The following TMEM230 variants were observed in gnomAD, a reference collection of about 807,000 sequenced individuals.
TMEM230 encodes transmembrane protein 230, also known as UPF0414 transmembrane protein C20orf30.
In TMEM230, 10 loss-of-function variants were observed where a neutral mutation model predicts 15.8. The observed-to-expected ratio is 0.63, with a 90% CI of 0.39 to 1.07. The LOEUF is 1.07. TMEM230 is among the 50% of genes least tolerant of loss of function. The pLI is 0.01. For missense variants in TMEM230, 165 were observed against 193.3 expected (o/e 0.85, Z 0.87); for synonymous variants, 67 against 76.9 (o/e 0.87, Z 0.68).
chr20:5,108,417 CT>C (rs1424519425), intron 3 of TMEM230, among the ~76,000 whole-genome samples: 1 of 130,156 alleles, frequency 7.7e-6, no homozygotes, highest in African/African-American at 3.4e-5. Flanking sequence ...AAAACTCCGT[CT>C]CCAAAAAAAA....
In TMEM230 at chr20:5,071,598, G is replaced by A. The variant is rs752324344; in HGVS notation, c.223-2249C>T. ...AGATCGCGCCATTGCACTCCAGCCT[G>A]GGTAACAAGAGCGAAACTCCGTCTC... On this transcript the variant is annotated intron_variant, in intron 3 of 3. Transcript: ENST00000612323. Among the ~76,000 whole-genome samples the A allele has an allele frequency of 9.9e-4, 146 of 146,848 alleles. 1 individual carries two copies. The highest frequency in any genetic ancestry group is 1.9e-3 in the Admixed American group (27 of 14,276).
chr20:5,112,459 G>C (rs1177924085), intron 1 of TMEM230, among the ~76,000 whole-genome samples: 1 of 152,176 alleles, frequency 6.6e-6, no homozygotes, highest in African/African-American at 2.4e-5. Context: ...TACGTCCCCT[G>C]ACATTAACTG....
At chr20:5,096,203 C>T (rs1231667261), downstream of TMEM230, among the ~76,000 whole-genome samples, 1 of 152,242 alleles carries the variant, frequency 6.6e-6, no homozygotes, top group East Asian at 1.9e-4. Flanking sequence ...TTCCCTCCAC[C>T]TCTGCCTCAT....
chr20:5,112,638 C>T (rs1205889530), intron 1 of TMEM230: 1 of 1,285,630 alleles, frequency 7.8e-7, no homozygotes, highest in African/African-American at 1.5e-5. Flanking sequence ...CCGCTACCCC[C>T]AAACTCCCTC....
intron 3 of TMEM230, among the ~76,000 whole-genome samples, chr20:5,071,533 G>T (rs2088824692): frequency 6.6e-6 from 1 of 150,686 alleles, no homozygotes; most frequent in African/African-American, 2.4e-5. Flanking sequence ...CAAGGCAGGA[G>T]AATCGCTTGA....
chr20:5,068,956 C>G (rs186121060), exon 4 of TMEM230: 5 of 483,752 alleles, frequency 1.0e-5, no homozygotes, highest in Admixed American at 3.7e-5. Context: ...GAGTGGTCTG[C>G]GCCATTCTCA....
intron 3 of TMEM230, among the ~76,000 whole-genome samples, chr20:5,094,757 C>T (rs1234186676): frequency 2.0e-5 from 3 of 147,756 alleles, no homozygotes; most frequent in Non-Finnish European, 4.5e-5. Context: ...AGGCTGGTCT[C>T]GAACTCTTGG....
chr20:5,108,420 CAAA>C (rs556966217), intron 3 of TMEM230, among the ~76,000 whole-genome samples: 15 of 79,810 alleles, frequency 1.9e-4, no homozygotes, highest in Admixed American at 4.3e-4. Context: ...ACTCCGTCTC[CAAA>C]AAAAAAAAAA....
chr20:5,100,637 T>A lies in TMEM230; in HGVS notation c.*154A>T. The A allele has an allele frequency of 6.9e-7, 1 of 1,441,562 alleles. No individual in the cohort carries two copies. The allele number at this position is 1,441,562 out of a possible 1,614,324, so 89.3% of individuals were successfully genotyped here. Reference sequence around the variant, plus strand: ...CCTAATTAGCTAACTGTAGGTTCACTTAACATCTTTGGGAAGGACCCAAAA... The same window carrying A: ...CCTAATTAGCTAACTGTAGGTTCACATAACATCTTTGGGAAGGACCCAAAA... On this transcript the variant is annotated 3_prime_UTR_variant, in exon 5 of 5. Coordinates refer to ENST00000342308, the MANE Select transcript of TMEM230 (RefSeq NM_001009923.2).
At chr20:5,088,182 G>A (rs1224035561) in intron 3 of TMEM230, among the ~76,000 whole-genome samples, 2 of 151,000 alleles carry the variant, frequency 1.3e-5, no homozygotes, top group African/African-American at 4.9e-5. Flanking sequence ...GGTGGCGCAT[G>A]CCTGTAATCC....
chr20:5,080,223 C>G (rs912986102), intron 3 of TMEM230, among the ~76,000 whole-genome samples: 1 of 152,206 alleles, frequency 6.6e-6, no homozygotes, highest in Non-Finnish European at 1.5e-5. Context: ...GAAAAAATCT[C>G]TGTGTCCTTA....
chr20:5,085,541 G>A (rs973163156), intron 3 of TMEM230, among the ~76,000 whole-genome samples: 5 of 152,046 alleles, frequency 3.3e-5, no homozygotes, highest in South Asian at 2.1e-4. Context: ...TGCTCGCCTC[G>A]GCCTCCCAAA....
chr20:5,099,837 A>T (rs2089784262), downstream of TMEM230: 1 of 954,478 alleles, frequency 1.0e-6, no homozygotes, highest in African/African-American at 1.8e-5. Flanking sequence ...AATCATTAAA[A>T]TGTTTTCTGA....
chr20:5,093,527 C>T (rs1438535429), intron 3 of TMEM230, among the ~76,000 whole-genome samples: 1 of 150,478 alleles, frequency 6.6e-6, no homozygotes, highest in East Asian at 2.0e-4. Flanking sequence ...AGGCATGAGC[C>T]ACTGCGCCTG....
chr20:5,109,734 T>C (rs952674550), intron 2 of TMEM230, among the ~76,000 whole-genome samples: 7 of 152,188 alleles, frequency 4.6e-5, no homozygotes, highest in African/African-American at 1.7e-4. Flanking sequence ...AAGAATCACA[T>C]TCCAGTTTAT....
intron 3 of TMEM230, among the ~76,000 whole-genome samples, chr20:5,086,958 C>T (rs978763803): frequency 6.6e-6 from 1 of 152,090 alleles, no homozygotes; most frequent in African/African-American, 2.4e-5. Flanking sequence ...ATTGGAGCCT[C>T]GACCTCCCAG....
At chr20:5,067,410 C>CACATATAT (rs2088678615), downstream of TMEM230, 2 of 102,314 alleles carry the variant, frequency 2.0e-5, no homozygotes, top group East Asian at 2.5e-4. Context: ...TGTTTAGGCT[C>CACATATAT]ATATATATAT....
intron 3 of TMEM230, among the ~76,000 whole-genome samples, chr20:5,076,125 C>A (rs996204340): frequency 2.2e-4 from 33 of 151,214 alleles, no homozygotes; most frequent in African/African-American, 6.3e-4. Context: ...AAAAAAATTG[C>A]AGCAATAGCT....
At chr20:5,103,664 C>CA (rs374308072) in intron 4 of TMEM230, among the ~76,000 whole-genome samples, 5 of 148,108 alleles carry the variant, frequency 3.4e-5, no homozygotes, top group East Asian at 2.0e-4. Flanking sequence ...AACCAAAAAA[C>CA]AAAAAAACAT....
Sources: allele counts gnomAD v4.1 joint callset (sites outside exome capture counted in the v4.1 genomes callset), GRCh38; gene constraint gnomAD v4.1.1; transcripts MANE v1.5; gene names NCBI Gene and HGNC (gene_info 2026-07-23, HGNC 2026-07-21).